PCDHA10: variants seen among roughly 807,000 people sequenced by gnomAD.
PCDHA10 encodes protocadherin alpha 10.
In PCDHA10, 45 loss-of-function variants were observed where a neutral mutation model predicts 61.2. That is an observed-to-expected ratio of 0.74 (90% CI 0.58 to 0.94). PCDHA10 has a LOEUF of 0.94. Ranked by LOEUF, PCDHA10 falls within the 40% of genes least tolerant of loss-of-function variation. The pLI, the probability that PCDHA10 is intolerant of heterozygous loss-of-function variation, is 0.00. For synonymous variants in PCDHA10, 602 were observed against 548.8 expected, an observed-to-expected ratio of 1.10 and a Z score of -1.35; for missense variants, 1,278 against 1,236.2, an observed-to-expected ratio of 1.03 and a Z score of -0.51.
At chr5:140,860,288 G>A (rs1305065556) in intron 1 of PCDHA10, 2 of 151,928 alleles carry the variant, frequency 1.3e-5, no homozygotes, top group African/African-American at 4.8e-5. Context: ...GGGTGAGGTG[G>A]GAGGACGGCT....
chr5:140,924,944 TA>T (rs11334471), intron 1 of PCDHA10, among the ~76,000 whole-genome samples: 51,245 of 142,818 alleles, frequency 0.36, 9,188 homozygotes, highest in East Asian at 0.56. Flanking sequence ...AATAAAAAGT[TA>T]AAAAAAAAAT....
At chr5:141,000,414 TATATATA>T (rs1167743190) in intron 3 of PCDHA10, among the ~76,000 whole-genome samples, 31 of 99,528 alleles carry the variant, frequency 3.1e-4, no homozygotes, top group African/African-American at 9.8e-4. Context: ...TATATATATA[TATATATA>T]TTTTTTTTTT....
chr5:140,875,749 G>A (rs782793601), intron 1 of PCDHA10: 3 of 1,614,264 alleles, frequency 1.9e-6, no homozygotes, highest in African/African-American at 1.3e-5. Flanking sequence ...GATCGACCGC[G>A]AGAAGCTGTG....
intron 1 of PCDHA10, among the ~76,000 whole-genome samples, chr5:140,950,294 C>T (rs1396440202): frequency 6.6e-6 from 1 of 151,970 alleles, no homozygotes; most frequent in African/African-American, 2.4e-5. Context: ...ACCTGAAAAA[C>T]TTTACTTAGC....
intron 1 of PCDHA10, chr5:140,871,328 G>A (rs374687707): frequency 6.2e-7 from 1 of 1,614,128 alleles, no homozygotes; most frequent in Admixed American, 1.7e-5. Flanking sequence ...GTGTGCTCCC[G>A]CGCGGTGGGG....
chr5:140,914,944 C>CTTT (rs35695909), intron 1 of PCDHA10, among the ~76,000 whole-genome samples: 2 of 128,266 alleles, frequency 1.6e-5, no homozygotes, highest in Non-Finnish European at 3.3e-5. Context: ...GAAAAGTTGT[C>CTTT]TTTTTTTTTT....
chr5:141,004,806 T>C (rs1326385428), intron 3 of PCDHA10, among the ~76,000 whole-genome samples: 1 of 152,196 alleles, frequency 6.6e-6, no homozygotes, highest in Non-Finnish European at 1.5e-5. Flanking sequence ...CTGAGCTCAA[T>C]TGCAGATTTG....
At chr5:140,907,093 C>A (rs1303875069) in intron 1 of PCDHA10, among the ~76,000 whole-genome samples, 2 of 152,090 alleles carry the variant, frequency 1.3e-5, no homozygotes, top group Non-Finnish European at 2.9e-5. Flanking sequence ...GTAAGTGGTG[C>A]CACTTCCACT....
In PCDHA10 at chr5:140,971,961, T is replaced by C. The variant is rs1412814726; in HGVS notation, c.2389-6988T>C. ...TGTATCCATCTGACTCCAAAAACTT[T>C]TTTTCAATACTATGAGTAGACAGAA... On this transcript the variant is annotated intron_variant, in intron 1 of 3. Transcript: ENST00000307360. 2.0e-5 allele frequency among the ~76,000 whole-genome samples: 3 copies of C among 152,144 alleles called. No homozygotes were observed. The East Asian group carries it at 5.8e-4, about 29-fold the overall frequency.
At chr5:140,890,374 A>G (rs1045149611) in intron 1 of PCDHA10, among the ~76,000 whole-genome samples, 1 of 152,000 alleles carries the variant, frequency 6.6e-6, no homozygotes, top group South Asian at 2.1e-4. Context: ...CTGAACAAGT[A>G]CTCTTTCTTA....
At chr5:140,893,336 A>G (rs2063930718) in intron 1 of PCDHA10, among the ~76,000 whole-genome samples, 1 of 152,098 alleles carries the variant, frequency 6.6e-6, no homozygotes, top group Admixed American at 6.6e-5. Context: ...TGTTTTCCTT[A>G]GTGGCAGTGC....
At chr5:140,916,755 G>C (rs781862005) in intron 1 of PCDHA10, among the ~76,000 whole-genome samples, 15 of 152,208 alleles carry the variant, frequency 9.9e-5, no homozygotes, top group Admixed American at 2.0e-4. Flanking sequence ...CTGGGATTAG[G>C]GGAGGGGTGG....
At chr5:140,968,612 C>A (rs782101758) in intron 1 of PCDHA10, 2 of 1,614,204 alleles carry the variant, frequency 1.2e-6, no homozygotes, top group East Asian at 2.2e-5. Flanking sequence ...AGACTCTGGG[C>A]AAAATGCTTG....
chr5:140,883,627 G>T (rs781902332), intron 1 of PCDHA10: 78 of 1,613,816 alleles, frequency 4.8e-5, no homozygotes, highest in Non-Finnish European at 6.2e-5. Flanking sequence ...ACAACGCGCC[G>T]GCGTTCGCGC....
intron 1 of PCDHA10, among the ~76,000 whole-genome samples, chr5:140,955,323 G>A (rs1213005534): frequency 6.6e-6 from 1 of 152,098 alleles, no homozygotes; most frequent in East Asian, 1.9e-4. Flanking sequence ...ACCTTGAATT[G>A]TAGTTCCCAT....
intron 1 of PCDHA10, chr5:140,865,192 A>G (rs1306002523): frequency 6.6e-6 from 1 of 152,218 alleles, no homozygotes; most frequent in Admixed American, 6.5e-5. Context: ...CCTTCACACC[A>G]TATTAATGTG....
At position 140,870,714 on chromosome 5, in the gene PCDHA10, C is replaced by A. The variant is rs2052324296; in HGVS notation, c.2388+12278C>A. On this transcript the variant is annotated intron_variant, in intron 1 of 3. Transcript: ENST00000307360. ...TGCTACAGTTCCAGGTGAGCGCGCG[C>A]GATGCGGGCGTGCCGCCTCTGAGCA... 6 of 1,612,992 alleles carry A rather than the reference C, an allele frequency of 3.7e-6. No individual in the cohort carries two copies. The African/African-American group carries it at 4.0e-5, about 11-fold the overall frequency.
chr5:141,001,114 A>G (rs1456437716), intron 3 of PCDHA10, among the ~76,000 whole-genome samples: 4 of 152,062 alleles, frequency 2.6e-5, no homozygotes, highest in Non-Finnish European at 4.4e-5. Flanking sequence ...TAAGCAATCA[A>G]TAGTCCTTAA....
At chr5:140,882,114 C>T (rs1464753090) in intron 1 of PCDHA10, 25 of 1,406,582 alleles carry the variant, frequency 1.8e-5, no homozygotes, top group Non-Finnish European at 2.2e-5. Flanking sequence ...AAGAAAGCCG[C>T]CGTTTCTTTC....
Sources: allele counts gnomAD v4.1 joint callset (sites outside exome capture counted in the v4.1 genomes callset), GRCh38; gene constraint gnomAD v4.1.1; transcripts MANE v1.5; gene names NCBI Gene and HGNC (gene_info 2026-07-23, HGNC 2026-07-21).